ROBO2: variants seen among roughly 807,000 people sequenced by gnomAD.
The protein encoded by ROBO2 is roundabout guidance receptor 2.
A neutral mutation model predicts 160.8 loss-of-function variants in ROBO2; 53 were observed. The observed-to-expected ratio is 0.33, with a 90% CI of 0.26 to 0.41. The LOEUF (loss-of-function observed/expected upper bound fraction) is 0.41, where lower values mean the gene tolerates loss of function less well. ROBO2 is among the 10% of genes least tolerant of loss of function. The pLI is 1.00. For missense variants in ROBO2, 1,577 were observed against 1,722.4 expected, an observed-to-expected ratio of 0.92 and a Z score of 1.49; for synonymous variants, 664 against 611.7, an observed-to-expected ratio of 1.09 and a Z score of -1.26.
intron 2 of ROBO2, among the ~76,000 whole-genome samples, chr3:76,018,983 C>T (rs1211513293): frequency 6.6e-6 from 1 of 151,128 alleles, no homozygotes; most frequent in Non-Finnish European, 1.5e-5. Flanking sequence ...TTATGGTCTC[C>T]CCAAATGGTT....
At chr3:76,440,970 A>C (rs1183346893) in intron 2 of ROBO2, among the ~76,000 whole-genome samples, 2 of 152,138 alleles carry the variant, frequency 1.3e-5, no homozygotes, top group Non-Finnish European at 2.9e-5. Flanking sequence ...CATACAGCTG[A>C]AAACATGCTG....
At chr3:76,302,538 C>T (rs772498564) in intron 2 of ROBO2, among the ~76,000 whole-genome samples, 1 of 152,172 alleles carries the variant, frequency 6.6e-6, no homozygotes, top group Admixed American at 6.5e-5. Flanking sequence ...TGCACAATGA[C>T]GTTTTGGTCA....
intron 2 of ROBO2, among the ~76,000 whole-genome samples, chr3:76,304,736 T>TC (rs2071237599): frequency 3.0e-5 from 2 of 65,768 alleles, no homozygotes; most frequent in South Asian, 6.5e-4. Flanking sequence ...TTCTTTCTTT[T>TC]CTTTTCTTTC....
intron 2 of ROBO2, among the ~76,000 whole-genome samples, chr3:76,420,221 C>T (rs1354244792): frequency 6.6e-6 from 1 of 152,118 alleles, no homozygotes; most frequent in Non-Finnish European, 1.5e-5. Flanking sequence ...CCCTATCTTT[C>T]CTAGGCTGAT....
intron 6 of ROBO2, among the ~76,000 whole-genome samples, chr3:77,532,683 C>T (rs552066324): frequency 4.6e-5 from 7 of 151,756 alleles, no homozygotes; most frequent in Admixed American, 3.3e-4. Context: ...TTTAAAATTG[C>T]AATCATTATA....
chr3:76,182,576 G>A (rs1018965925), intron 2 of ROBO2, among the ~76,000 whole-genome samples: 2 of 151,998 alleles, frequency 1.3e-5, no homozygotes, highest in Non-Finnish European at 2.9e-5. Context: ...ATCTCTATAG[G>A]AGCAAATGCT....
intron 2 of ROBO2, among the ~76,000 whole-genome samples, chr3:77,426,937 T>G (rs2078270401): frequency 6.6e-6 from 1 of 152,204 alleles, no homozygotes; most frequent in Non-Finnish European, 1.5e-5. Flanking sequence ...ATTGAAAATC[T>G]GATGAAAGTG....
chr3:77,383,295 A>G (rs938091550), intron 2 of ROBO2, among the ~76,000 whole-genome samples: 1 of 152,118 alleles, frequency 6.6e-6, no homozygotes, highest in Non-Finnish European at 1.5e-5. Context: ...TTAGACACAT[A>G]CTGCACTGTA....
chr3:76,505,123 G>A (rs572125837), intron 2 of ROBO2, among the ~76,000 whole-genome samples: 1 of 152,160 alleles, frequency 6.6e-6, no homozygotes, highest in African/African-American at 2.4e-5. Context: ...ATAAAGTTGA[G>A]AATTATTTTT....
chr3:76,119,916 C>CCTTCCTTCCTT (rs2070661295), intron 2 of ROBO2, among the ~76,000 whole-genome samples: 15 of 88,120 alleles, frequency 1.7e-4, no homozygotes, highest in Non-Finnish European at 2.6e-4. Context: ...TTCCCTCCCT[C>CCTTCCTTCCTT]CCTTCCTTCC....
chr3:77,293,445 A>G (rs887186822), intron 2 of ROBO2, among the ~76,000 whole-genome samples: 3 of 148,368 alleles, frequency 2.0e-5, no homozygotes, highest in African/African-American at 7.8e-5. Context: ...AGATCACTAA[A>G]GACATAAAGT....
At chr3:77,547,935 A>C (rs2092763713) in intron 7 of ROBO2, among the ~76,000 whole-genome samples, 1 of 151,940 alleles carries the variant, frequency 6.6e-6, no homozygotes, top group African/African-American at 2.4e-5. Context: ...AGGCAGCATG[A>C]CAATTAAACA....
intron 2 of ROBO2, among the ~76,000 whole-genome samples, chr3:77,413,640 C>T (rs747941662): frequency 6.6e-6 from 1 of 152,142 alleles, no homozygotes; most frequent in Non-Finnish European, 1.5e-5. Flanking sequence ...CAGGTGGAAT[C>T]AGCGGAGAGG....
chr3:77,624,099 T>A (rs1289504325), intron 23 of ROBO2, among the ~76,000 whole-genome samples: 6 of 152,202 alleles, frequency 3.9e-5, no homozygotes, highest in Non-Finnish European at 8.8e-5. Flanking sequence ...CACTGCTTAA[T>A]TACTGCCATA....
chr3:76,628,697 C>T (rs943171836), intron 2 of ROBO2, among the ~76,000 whole-genome samples: 1 of 152,004 alleles, frequency 6.6e-6, no homozygotes, highest in African/African-American at 2.4e-5. Flanking sequence ...AAAATGTAGT[C>T]AAAAGTGATT....
intron 2 of ROBO2, among the ~76,000 whole-genome samples, chr3:77,016,102 G>T (rs551017021): frequency 3.4e-4 from 51 of 151,752 alleles, no homozygotes; most frequent in Admixed American, 1.8e-3. Flanking sequence ...TCAGCCTCCC[G>T]AGTAGCTGGG....
At chr3:76,163,209 G>T (rs1490865782) in intron 2 of ROBO2, among the ~76,000 whole-genome samples, 1 of 151,798 alleles carries the variant, frequency 6.6e-6, no homozygotes, top group East Asian at 1.9e-4. Flanking sequence ...GGTGAGCAGG[G>T]CCCACCATAT....
intron 2 of ROBO2, among the ~76,000 whole-genome samples, chr3:76,165,769 C>G (rs973630692): frequency 6.6e-6 from 1 of 152,040 alleles, no homozygotes; most frequent in Non-Finnish European, 1.5e-5. Flanking sequence ...ATTGTTGTAT[C>G]TCAGAGAATA....
At chr3:77,615,259 C>T (rs557794779) in intron 21 of ROBO2, among the ~76,000 whole-genome samples, 1 of 152,082 alleles carries the variant, frequency 6.6e-6, no homozygotes, top group East Asian at 1.9e-4. Context: ...TATCCCAGCC[C>T]CCACATATTG....
Sources: gnomAD v4.1 joint callset for allele counts (sites outside exome capture counted in the v4.1 genomes callset) on GRCh38, gnomAD v4.1.1 for gene constraint, MANE v1.5 for transcripts, NCBI Gene and HGNC (gene_info 2026-07-23, HGNC 2026-07-21) for gene names.